The following NCOA2 variants were observed in gnomAD, a reference collection of about 807,000 sequenced individuals.
NCOA2 encodes nuclear receptor coactivator 2, also known as class E basic helix-loop-helix protein 75.
Under a neutral mutation model 145.1 loss-of-function variants are expected in NCOA2, and 21 were observed. The ratio of observed to expected loss-of-function variants is 0.14; its 90% CI spans 0.10 to 0.21. NCOA2 has a LOEUF of 0.21. Ranked by LOEUF, NCOA2 falls within the 10% of genes least tolerant of loss-of-function variation. NCOA2 has a pLI of 1.00. For missense variants in NCOA2, 1,472 were observed against 1,837.6 expected (o/e 0.80, Z 3.64); for synonymous variants, 619 against 637.5 (o/e 0.97, Z 0.44).
the NCOA2 span, among the ~76,000 whole-genome samples, chr8:70,412,524 A>G: frequency 5.4e-5 from 8 of 149,512 alleles, no homozygotes; most frequent in Non-Finnish European, 1.0e-4. Flanking sequence ...TATATATTAA[A>G]AGTAGAATTT....
chr8:70,249,460 C>G (rs1458184250), intron 2 of NCOA2, among the ~76,000 whole-genome samples: 1 of 152,136 alleles, frequency 6.6e-6, no homozygotes, highest in Non-Finnish European at 1.5e-5. Context: ...GTTACTTAAC[C>G]TCCCTGTCTT....
In NCOA2 at chr8:70,131,999, C is replaced by T; in HGVS notation, c.3162G>A (p.Gln1054=). ...AGTCATCTGGAGAACTGCCAAATGG[C>T]TGCCTGTAAAGACAGAAATGTCACC... ...DQASFASQNR[Q]PFGSSPDDLL... is the part of the protein sequence containing the mutation. The change falls in exon 16 of 23, where the codon CAG becomes CAA. Residue 1054 remains glutamine (Q), a synonymous_variant. Transcript: ENST00000452400. 6.2e-7 allele frequency: 1 copy of T among 1,611,542 alleles called. No individual in the cohort carries two copies. The highest frequency in any genetic ancestry group is 8.5e-7 in the Non-Finnish European group (1 of 1,178,930).
At chr8:70,253,692 A>T (rs149677724) in intron 2 of NCOA2, among the ~76,000 whole-genome samples, 3 of 152,340 alleles carry the variant, frequency 2.0e-5, no homozygotes, top group African/African-American at 7.2e-5. Flanking sequence ...GGAAAATTGG[A>T]TATCCTCATG....
the NCOA2 span, among the ~76,000 whole-genome samples, chr8:70,453,214 T>C: frequency 6.6e-6 from 1 of 152,234 alleles, no homozygotes; most frequent in Non-Finnish European, 1.5e-5. Context: ...GAAACTTTTG[T>C]GGCAAGACTT....
At chr8:70,304,643 T>G (rs1054872066) in intron 1 of NCOA2, among the ~76,000 whole-genome samples, 1 of 151,700 alleles carries the variant, frequency 6.6e-6, no homozygotes, top group Non-Finnish European at 1.5e-5. Context: ...TTTTTTTGTT[T>G]TTTTGTTTTG....
At chr8:70,234,555 C>T (rs187613300) in intron 2 of NCOA2, among the ~76,000 whole-genome samples, 1 of 152,232 alleles carries the variant, frequency 6.6e-6, no homozygotes, top group African/African-American at 2.4e-5. Flanking sequence ...TAAGTTATAG[C>T]CATCCTACTG....
At chr8:70,437,557 T>C in the NCOA2 span, among the ~76,000 whole-genome samples, 3 of 152,232 alleles carry the variant, frequency 2.0e-5, no homozygotes, top group East Asian at 5.8e-4. Flanking sequence ...AATGATGACA[T>C]ACAAATTGTC....
the NCOA2 span, among the ~76,000 whole-genome samples, chr8:70,435,921 C>T: frequency 4.6e-5 from 7 of 152,132 alleles, no homozygotes; most frequent in African/African-American, 1.7e-4. Context: ...GCTTCAGCCT[C>T]CTGAGTAGCT....
chr8:70,437,330 G>A, the NCOA2 span, among the ~76,000 whole-genome samples: 1 of 152,176 alleles, frequency 6.6e-6, no homozygotes, highest in South Asian at 2.1e-4. Flanking sequence ...TGCCCCAGTG[G>A]ATCATAAGCT....
intron 2 of NCOA2, among the ~76,000 whole-genome samples, chr8:70,250,920 T>C (rs1159678563): frequency 1.3e-5 from 2 of 152,228 alleles, no homozygotes; most frequent in African/African-American, 4.8e-5. Context: ...ATAATTTATA[T>C]GTTAAATACA....
chr8:70,144,528 GT>G, intron 13 of NCOA2, 113 bp downstream of exon 13: 1 of 859,366 alleles, frequency 1.2e-6, no homozygotes, highest in Non-Finnish European at 1.8e-6. Context: ...ACTTTCAGAT[GT>G]TATTTTCTAA....
the NCOA2 span, among the ~76,000 whole-genome samples, chr8:70,428,113 C>A: frequency 6.6e-6 from 1 of 151,890 alleles, no homozygotes; most frequent in East Asian, 1.9e-4. Context: ...GTTCTCATGG[C>A]AGGATTGATA....
intron 1 of NCOA2, among the ~76,000 whole-genome samples, chr8:70,305,715 T>C (rs905589727): frequency 1.3e-5 from 2 of 152,236 alleles, no homozygotes; most frequent in Non-Finnish European, 2.9e-5. Flanking sequence ...ATAGCCATAA[T>C]GTTTTAATCA....
intron 2 of NCOA2, among the ~76,000 whole-genome samples, chr8:70,262,261 T>C (rs1348755534): frequency 3.3e-5 from 5 of 152,214 alleles, no homozygotes; most frequent in African/African-American, 1.2e-4. Context: ...CTGTCAGAGC[T>C]TGATTTCAAA....
intron 1 of NCOA2, among the ~76,000 whole-genome samples, chr8:70,375,896 T>C (rs1264850814): frequency 6.6e-6 from 1 of 152,260 alleles, no homozygotes; most frequent in Non-Finnish European, 1.5e-5. Context: ...TGACTTTTCC[T>C]ACTAATACCC....
intron 1 of NCOA2, among the ~76,000 whole-genome samples, chr8:70,335,773 T>C (rs374158876): frequency 3.3e-5 from 5 of 152,104 alleles, no homozygotes; most frequent in African/African-American, 9.7e-5. Context: ...GCGAACATTG[T>C]AGAGCATATT....
At chr8:70,420,459 T>A in the NCOA2 span, among the ~76,000 whole-genome samples, 2 of 152,132 alleles carry the variant, frequency 1.3e-5, no homozygotes, top group Non-Finnish European at 1.5e-5. Context: ...GGCTGAGAAC[T>A]ACTATGCTAA....
chr8:70,322,041 G>A (rs1205410680), intron 1 of NCOA2, among the ~76,000 whole-genome samples: 1 of 151,664 alleles, frequency 6.6e-6, no homozygotes, highest in Non-Finnish European at 1.5e-5. Flanking sequence ...GCTTGAACCT[G>A]GGAGGCAGAG....
At chr8:70,356,673 A>G (rs568567484) in intron 1 of NCOA2, among the ~76,000 whole-genome samples, 15 of 152,318 alleles carry the variant, frequency 9.8e-5, no homozygotes, top group Middle Eastern at 3.4e-3. Flanking sequence ...CGCTTTTCCT[A>G]TTAGTTGACT....
Sources: gnomAD v4.1 joint callset for allele counts (sites outside exome capture counted in the v4.1 genomes callset) on GRCh38, gnomAD v4.1.1 for gene constraint, MANE v1.5 for transcripts, NCBI Gene and HGNC (gene_info 2026-07-23, HGNC 2026-07-21) for gene names.